CNOT7: variants seen among roughly 807,000 people sequenced by gnomAD.
CNOT7 encodes CCR4-NOT transcription complex subunit 7, also known as BTG1-binding factor 1.
In CNOT7, 4 loss-of-function variants were observed where a neutral mutation model predicts 37.1. The observed-to-expected ratio is 0.11, with a 90% confidence interval of 0.05 to 0.25. The LOEUF (loss-of-function observed/expected upper bound fraction) is 0.25, where lower values mean the gene tolerates loss of function less well. Among genes scored for constraint, CNOT7 ranks in the 10% least tolerant of loss-of-function variants. The pLI, the probability that CNOT7 is intolerant of heterozygous loss-of-function variation, is 1.00. For synonymous variants in CNOT7, 128 were observed against 115.6 expected, an observed-to-expected ratio of 1.11 and a Z score of -0.69; for missense variants, 170 against 336.2, an observed-to-expected ratio of 0.51 and a Z score of 3.87.
At chr8:17,243,354 A>G (rs1333702058) in intron 2 of CNOT7, 169 bp from the exon 3 acceptor site, 5 of 638,378 alleles carry the variant, frequency 7.8e-6, no homozygotes, top group South Asian at 1.9e-5. Context: ...TAGAACCATA[A>G]AACTCTATAA....
chr8:17,236,864 T>G (rs1277591917), intron 4 of CNOT7, among the ~76,000 whole-genome samples: 1 of 152,196 alleles, frequency 6.6e-6, no homozygotes, highest in South Asian at 2.1e-4. Context: ...AGTGAATGGT[T>G]TCCCCCGTAG....
intron 6 of CNOT7, chr8:17,231,461 T>C (rs1808594765): frequency 1.1e-6 from 1 of 930,126 alleles, no homozygotes; most frequent in African/African-American, 1.8e-5. Flanking sequence ...CAAAACAAAA[T>C]ATTTACGTGT....
rs764279481 is a variant in CNOT7 at position 17,226,184 on chromosome 8, C to A, written c.*4536G>T. 1.3e-5 allele frequency: 2 copies of A among 150,898 alleles called. No individual in the cohort carries two copies. Among genetic ancestry groups the A allele is most frequent in the Non-Finnish European group, 3.0e-5 (2 of 67,416 alleles). 9.3% of individuals were successfully genotyped at this position (150,898 alleles called of 1,614,324 possible). On this transcript the variant is annotated 3_prime_UTR_variant, in exon 7 of 7. Transcript: ENST00000361272. ...AATTGAAAACTCAAAATATTGAGTACAATTTTTTTTTCTTTTTTTAGTAAT... is the reference window on the plus strand; with the variant it reads ...AATTGAAAACTCAAAATATTGAGTAAAATTTTTTTTTCTTTTTTTAGTAAT...
intron 3 of CNOT7, chr8:17,242,547 G>C (rs1338888154): frequency 6.5e-6 from 1 of 153,680 alleles, no homozygotes; most frequent in Admixed American, 6.5e-5. Context: ...ATACTGACTT[G>C]AAAGGAAAAC....
chr8:17,232,114 T>A, intron 6 of CNOT7: 1 of 1,022,144 alleles, frequency 9.8e-7, no homozygotes, highest in Non-Finnish European at 1.2e-6. Flanking sequence ...ACTAGTAATG[T>A]GTTTAATCAT....
At chr8:17,236,235 G>GA (rs1417582934) in intron 4 of CNOT7, among the ~76,000 whole-genome samples, 1 of 152,150 alleles carries the variant, frequency 6.6e-6, no homozygotes, top group Non-Finnish European at 1.5e-5. Context: ...ATCAGAGACA[G>GA]AAACTAAACA....
In CNOT7 at chr8:17,226,604, T is replaced by TTTTC. The variant is rs1265833376; in HGVS notation, c.*4112_*4115dup. The TTTTC allele has an allele frequency of 6.6e-6, 1 of 151,690 alleles. No homozygotes were observed. Among genetic ancestry groups the TTTTC allele is most frequent in the Non-Finnish European group, 1.5e-5 (1 of 67,720 alleles). 9.4% of individuals were successfully genotyped at this position (151,690 alleles called of 1,614,324 possible). Reference sequence around the variant, plus strand: ...GTTAAATGCTTTTAAAATTTAAAAATTTTCTTTGCACTGCATCAAGGTCCA... The same window carrying TTTTC: ...GTTAAATGCTTTTAAAATTTAAAAATTTTCTTTCTTTGCACTGCATCAAGGTCCA... On this transcript the variant is annotated 3_prime_UTR_variant, in exon 7 of 7. Coordinates refer to ENST00000361272, the MANE Select transcript of CNOT7 (RefSeq NM_013354.7).
rs376078610 is a variant in CNOT7, at chr8:17,233,375, G to T, written c.619-838C>A. On this transcript the variant is annotated intron_variant, in intron 5 of 6. Transcript: ENST00000361272. ...GCGCTAAAAATAGCACGAGGATTAG[G>T]TATCGTTAGCAGCTGCTTAGGAGAA... Among the ~76,000 whole-genome samples the T allele has an allele frequency of 5.9e-5, 9 of 152,190 alleles. 1 individual carries two copies. The East Asian group carries it at 1.3e-3, about 23-fold the overall frequency.
chr8:17,239,722 T>C (rs1345801251), intron 3 of CNOT7, among the ~76,000 whole-genome samples: 4 of 152,270 alleles, frequency 2.6e-5, no homozygotes, highest in African/African-American at 9.6e-5. Context: ...CTCGATCTCC[T>C]GACCTTGTGA....
rs576294112 is a variant in CNOT7, at chr8:17,229,504, C to G, written c.*1216G>C. The G allele has an allele frequency of 6.6e-6, 1 of 152,278 alleles. No individual in the cohort carries two copies. The highest frequency in any genetic ancestry group is 2.1e-4 in the South Asian group (1 of 4,820). 9.4% of individuals were successfully genotyped at this position (152,278 alleles called of 1,614,324 possible). On this transcript the variant is annotated 3_prime_UTR_variant, in exon 7 of 7. Transcript: ENST00000361272. ...ACCGTAAAGTCTTCCTACACATGCT[C>G]TGGTCTGGTCACATATTCTGCATGG...
chr8:17,234,659 G>C, intron 5 of CNOT7, 57 bp downstream of exon 5: 1 of 1,572,240 alleles, frequency 6.4e-7, no homozygotes, highest in Non-Finnish European at 8.8e-7. Flanking sequence ...AGGCTCGCAT[G>C]ACAGTCACTT....
At chr8:17,235,445 G>T (rs901224363) in intron 4 of CNOT7, among the ~76,000 whole-genome samples, 2 of 152,134 alleles carry the variant, frequency 1.3e-5, no homozygotes, top group African/African-American at 2.4e-5. Flanking sequence ...CTTCCTTTCA[G>T]TGTGGCTCCC....
intron 5 of CNOT7, 134 bp from the exon 6 acceptor site, chr8:17,232,671 G>A (rs1490348663): frequency 1.5e-6 from 1 of 687,542 alleles, no homozygotes; most frequent in Non-Finnish European, 2.4e-6. Context: ...AAGATTGGGG[G>A]GAAGAAACAG....
intron 6 of CNOT7, among the ~76,000 whole-genome samples, chr8:17,231,199 A>C (rs1233483987): frequency 2.6e-5 from 4 of 152,122 alleles, no homozygotes; most frequent in African/African-American, 9.7e-5. Flanking sequence ...AAAAAAGTTT[A>C]GGTTCATAAA....
rs1397713166 is a variant in CNOT7, at chr8:17,234,878, G to T, written c.474-18C>A. ...CGTAACCGCTATAAAAGGGTTAAAA[G>T]AATAGAGAAGAGGGACATATAAATA... On this transcript the variant is annotated intron_variant, in intron 4 of 6. Coordinates refer to ENST00000361272, the MANE Select transcript of CNOT7 (RefSeq NM_013354.7). 2 of 1,609,208 alleles carry T rather than the reference G, an allele frequency of 1.2e-6. No homozygotes were observed. Among genetic ancestry groups the T allele is most frequent in the Non-Finnish European group, 1.7e-6 (2 of 1,177,330 alleles).
chr8:17,242,936 CTAAGAT>C, intron 3 of CNOT7, 50 bp downstream of exon 3: 1 of 1,255,804 alleles, frequency 8.0e-7, no homozygotes, highest in Non-Finnish European at 1.1e-6. Flanking sequence ...AAATCAATTC[CTAAGAT>C]TAAAGAAAAA....
Position 17,234,829 on chromosome 8 carries a change from G to A in CNOT7, c.505C>T (p.Leu169=). The change falls in exon 5 of 7, where the codon CTA becomes TTA. Residue 169 remains leucine, a synonymous_variant. Transcript: ENST00000361272. ...TCTTCAGGCAAGTTAGAGTTGGTTA[G>A]GATTTTGATTAAGTAGCCAAAGTCG... The part of the protein sequence containing the change: ...GYDFGYLIKI[L]TNSNLPEEEL... 1 of 1,613,880 alleles carries A rather than the reference G, an allele frequency of 6.2e-7. No individual in the cohort carries two copies. Among genetic ancestry groups the A allele is most frequent in the Non-Finnish European group, 8.5e-7 (1 of 1,179,912 alleles).
rs956188092 is a variant in CNOT7 at position 17,228,393 on chromosome 8, A to G, written c.*2327T>C. 1 of 151,960 alleles carries G rather than the reference A, an allele frequency of 6.6e-6. No homozygotes were observed. Among genetic ancestry groups the G allele is most frequent in the Non-Finnish European group, 1.5e-5 (1 of 67,854 alleles). 9.4% of individuals were successfully genotyped at this position (151,960 alleles called of 1,614,324 possible). On this transcript the variant is annotated 3_prime_UTR_variant, in exon 7 of 7. Transcript: ENST00000361272. The stretch of plus-strand genomic sequence containing the variant: ...AAAACTTAGACCCAGTAAAAGTCAA[A>G]ATGTTCCTCTACAAAAGTTACACTA...
At chr8:17,235,788 C>T (rs545699157) in intron 4 of CNOT7, among the ~76,000 whole-genome samples, 2 of 152,294 alleles carry the variant, frequency 1.3e-5, no homozygotes, top group East Asian at 1.9e-4. Flanking sequence ...AGGAAAACAA[C>T]TAATGATATT....
Sources: gnomAD v4.1 joint callset for allele counts (sites outside exome capture counted in the v4.1 genomes callset) on GRCh38, gnomAD v4.1.1 for gene constraint, MANE v1.5 for transcripts, NCBI Gene and HGNC (gene_info 2026-07-23, HGNC 2026-07-21) for gene names.